Variants in TRMT44 observed in about 807,000 individuals in gnomAD.
TRMT44 encodes tRNA methyltransferase 44 homolog.
Under a neutral mutation model 77.3 loss-of-function variants are expected in TRMT44, and 78 were observed. The observed-to-expected ratio is 1.01, with a 90% CI of 0.84 to 1.22. TRMT44 has a LOEUF of 1.22. Ranked by LOEUF, TRMT44 falls within the 50% of genes most tolerant of loss-of-function variation. The pLI, the probability that TRMT44 is intolerant of heterozygous loss-of-function variation, is 0.00. For synonymous variants in TRMT44, 391 were observed against 383.3 expected, an observed-to-expected ratio of 1.02 and a Z score of -0.23; for missense variants, 1,090 against 964.4, an observed-to-expected ratio of 1.13 and a Z score of -1.73.
chr4:8,487,501 G>A (rs1414947458), intron 2 of TRMT44, among the ~76,000 whole-genome samples: 5 of 151,694 alleles, frequency 3.3e-5, no homozygotes, highest in Non-Finnish European at 5.9e-5. Context: ...ATAAGAGGTC[G>A]GGGTGCAGAA....
At chr4:8,486,726 C>CT (rs1727818194) in intron 2 of TRMT44, among the ~76,000 whole-genome samples, 1 of 152,056 alleles carries the variant, frequency 6.6e-6, no homozygotes, top group Non-Finnish European at 1.5e-5. Context: ...TTGACTATGC[C>CT]TTTAGCTCCA....
rs1726750504 is a variant in TRMT44 at position 8,468,354 on chromosome 4, G to A, written c.1927+8G>A. 1 of 1,613,666 alleles carries A rather than the reference G, an allele frequency of 6.2e-7. No homozygotes were observed. The highest frequency in any genetic ancestry group is 8.5e-7 in the Non-Finnish European group (1 of 1,179,820). Reference sequence around the variant, plus strand: ...AGACCTGGAATGGGGGAGGTAAGCTGTCCACCATCTTAGGGAGGGGCTAGC... The same window carrying A: ...AGACCTGGAATGGGGGAGGTAAGCTATCCACCATCTTAGGGAGGGGCTAGC... On this transcript the variant is annotated splice_region_variant and intron_variant, in intron 9 of 10. Transcript: ENST00000389737.
At chr4:8,447,772 G>C (rs1460119542) in intron 2 of TRMT44, among the ~76,000 whole-genome samples, 1 of 152,202 alleles carries the variant, frequency 6.6e-6, no homozygotes. Context: ...CTTCCTGCTA[G>C]CATGCCCTTG....
In TRMT44 at chr4:8,488,761, C is replaced by G. The variant is rs144332425; in HGVS notation, n.3892-4505C>G. On this transcript the variant is annotated intron_variant and non_coding_transcript_variant, in intron 2 of 2. Transcript: ENST00000511366. ...TGCAGCCCTAGATGCCATCCTTCCACAGTTGCATCAGTGCCTTCTCGGCAG... is the reference window on the plus strand; with the variant it reads ...TGCAGCCCTAGATGCCATCCTTCCAGAGTTGCATCAGTGCCTTCTCGGCAG... 3.8e-3 allele frequency among the ~76,000 whole-genome samples: 583 copies of G among 152,340 alleles called. 3 individuals carry two copies. The highest frequency in any genetic ancestry group is 0.013 in the African/African-American group (552 of 41,572).
At chr4:8,470,889 A>G in intron 9 of TRMT44, 195 bp from the exon 10 acceptor site, 1 of 510,282 alleles carries the variant, frequency 2.0e-6, no homozygotes, top group Non-Finnish European at 3.5e-6. Context: ...GTGCCACCTT[A>G]GCTGGGTGGG....
At chr4:8,511,497 G>A in the TRMT44 span, among the ~76,000 whole-genome samples, 1 of 152,118 alleles carries the variant, frequency 6.6e-6, no homozygotes, top group South Asian at 2.1e-4. Context: ...AGGTTATCCT[G>A]GCTTGGTGCT....
At chr4:8,514,238 C>A in the TRMT44 span, among the ~76,000 whole-genome samples, 1 of 149,072 alleles carries the variant, frequency 6.7e-6, no homozygotes, top group Non-Finnish European at 1.5e-5. Context: ...CAGGACGAGG[C>A]CTGGGCTCTG....
rs752206584 is a variant in TRMT44, at chr4:8,471,159, G to A, written c.2003G>A (p.Gly668Asp). Residue 668 changes from glycine to aspartate, a missense_variant, in exon 10 of 11, where the codon GGC becomes GAC. Gly to Asp is a moderately conservative substitution (Grantham distance 94). Coordinates refer to ENST00000389737, the MANE Select transcript of TRMT44 (RefSeq NM_152544.3). ...CGGAGGCTGAAGCGGGAGTGTGGGG[G>A]CCTGCAGACGCTGCTCCGGAACAGC... ...TLRRLKRECG[G>D]LQTLLRNSHQ... The A allele has an allele frequency of 1.2e-6, 2 of 1,608,698 alleles. No homozygotes were observed. Among genetic ancestry groups the A allele is most frequent in the Non-Finnish European group, 1.7e-6 (2 of 1,177,412 alleles).
At chr4:8,447,743 G>C (rs987277996) in intron 2 of TRMT44, among the ~76,000 whole-genome samples, 3 of 152,208 alleles carry the variant, frequency 2.0e-5, no homozygotes, top group African/African-American at 7.2e-5. Context: ...AGTTGTCAGG[G>C]GATCCTGCCC....
the TRMT44 span, chr4:8,509,941 G>A: frequency 2.6e-5 from 4 of 152,306 alleles, no homozygotes; most frequent in African/African-American, 7.2e-5. Flanking sequence ...GGCACCCAAG[G>A]GGGTGGCCAG....
At chr4:8,480,899 A>G (rs929610721), downstream of TRMT44, among the ~76,000 whole-genome samples, 2 of 152,202 alleles carry the variant, frequency 1.3e-5, no homozygotes, top group East Asian at 3.8e-4. Context: ...TTACCTCAAA[A>G]TGTGTTTAAC....
rs922760444 is a variant in TRMT44 at position 8,467,090 on chromosome 4, G to T, written c.1495-824G>T. On this transcript the variant is annotated intron_variant, in intron 8 of 10. Transcript: ENST00000389737. The stretch of plus-strand genomic sequence containing the variant: ...GACTGTCTGAAGGGCACCCTCCATC[G>T]GGGTGTGCGGCAAAGGGAGGCAAGC... Among the ~76,000 whole-genome samples, 4 of 152,212 alleles carry T rather than the reference G, an allele frequency of 2.6e-5. No homozygotes were observed. In the East Asian group the frequency reaches 7.7e-4, roughly 29 times the overall value.
intron 1 of TRMT44, among the ~76,000 whole-genome samples, chr4:8,442,815 T>A (rs1724833664): frequency 6.6e-6 from 1 of 152,218 alleles, no homozygotes; most frequent in South Asian, 2.1e-4. Context: ...ACTTGGAATC[T>A]CTCTGCCTTC....
In TRMT44 at chr4:8,449,791, A is replaced by G; in HGVS notation, c.857A>G (p.Lys286Arg). The G allele has an allele frequency of 1.3e-6, 2 of 1,536,078 alleles. No individual in the cohort carries two copies. Among genetic ancestry groups the G allele is most frequent in the Non-Finnish European group, 1.7e-6 (2 of 1,146,882 alleles). The change falls in exon 3 of 11, where the codon AAG becomes AGG. Residue 286 changes from lysine (K) to arginine (R), a missense_variant. Coordinates refer to ENST00000389737, the MANE Select transcript of TRMT44 (RefSeq NM_152544.3). Reference sequence around the variant, plus strand: ...TTGGCCAAGTGGTCTGTAGAGAACAAGAAGAGTGACTTTAAAAGCACCCTT... The same window carrying G: ...TTGGCCAAGTGGTCTGTAGAGAACAGGAAGAGTGACTTTAAAAGCACCCTT... ...AKLAKWSVENKKSDFKSTLSL... is the reference protein window; with the variant it reads ...AKLAKWSVENRKSDFKSTLSL...
At chr4:8,450,183 G>C (rs151141713) in intron 3 of TRMT44, among the ~76,000 whole-genome samples, 1 of 151,894 alleles carries the variant, frequency 6.6e-6, no homozygotes, top group African/African-American at 2.4e-5. Context: ...GCCCAGACTG[G>C]TCTTGGCCTC....
At chr4:8,479,179 G>C (rs974683517), downstream of TRMT44, 1 of 152,128 alleles carries the variant, frequency 6.6e-6, no homozygotes, top group Non-Finnish European at 1.5e-5. Flanking sequence ...ATTGAGAAGA[G>C]AGTCCCAGAG....
intron 9 of TRMT44, among the ~76,000 whole-genome samples, chr4:8,470,537 C>T (rs1326736785): frequency 6.6e-6 from 1 of 152,236 alleles, no homozygotes; most frequent in East Asian, 1.9e-4. Flanking sequence ...GAAATACCTG[C>T]AGGCTCTCAA....
chr4:8,480,509 C>T (rs1015288971), downstream of TRMT44, among the ~76,000 whole-genome samples: 12 of 152,296 alleles, frequency 7.9e-5, no homozygotes, highest in East Asian at 5.8e-4. Flanking sequence ...TCCGGTAGGA[C>T]GCCCCCAGAA....
intron 10 of TRMT44, among the ~76,000 whole-genome samples, chr4:8,474,034 C>T (rs368226502): frequency 5.7e-4 from 86 of 152,206 alleles, no homozygotes; most frequent in African/African-American, 1.9e-3. Flanking sequence ...ACTCCGGAGC[C>T]GCGTGGGAGG....
Sources: allele counts gnomAD v4.1 joint callset (sites outside exome capture counted in the v4.1 genomes callset), GRCh38; gene constraint gnomAD v4.1.1; transcripts MANE v1.5; gene names NCBI Gene and HGNC (gene_info 2026-07-23, HGNC 2026-07-21).